The following CAP2 variants were observed in gnomAD, a reference collection of about 807,000 sequenced individuals.
The protein encoded by CAP2 is adenylyl cyclase-associated protein 2.
CAP2 carries 24 observed loss-of-function variants against 57.7 expected under a neutral mutation model. The ratio of observed to expected loss-of-function variants is 0.42; its 90% CI spans 0.30 to 0.58. The LOEUF (loss-of-function observed/expected upper bound fraction) is 0.58. Among genes scored for constraint, CAP2 ranks in the 20% least tolerant of loss-of-function variants. CAP2 has a pLI of 0.22. For missense variants in CAP2, 501 were observed against 590.3 expected (o/e 0.85, Z 1.57); for synonymous variants, 194 against 207.2 (o/e 0.94, Z 0.55).
intron 1 of CAP2, among the ~76,000 whole-genome samples, chr6:17,417,536 A>G (rs1759316191): frequency 6.6e-6 from 1 of 152,080 alleles, no homozygotes; most frequent in Non-Finnish European, 1.5e-5. Flanking sequence ...CTGCCTCCCA[A>G]AGTGCTAGGA....
At chr6:17,524,913 G>A (rs1050164635) in intron 7 of CAP2, among the ~76,000 whole-genome samples, 3 of 96,730 alleles carry the variant, frequency 3.1e-5, no homozygotes, top group Non-Finnish European at 6.1e-5. Context: ...TTTTTTTTGA[G>A]TTGGAGTTTC....
chr6:17,405,295 T>C (rs2113507737), intron 1 of CAP2, among the ~76,000 whole-genome samples: 1 of 152,204 alleles, frequency 6.6e-6, no homozygotes, highest in Admixed American at 6.5e-5. Flanking sequence ...GGCAGGAGAA[T>C]CGTGTGAACC....
At chr6:17,533,903 C>T (rs1275579740) in intron 7 of CAP2, among the ~76,000 whole-genome samples, 1 of 152,134 alleles carries the variant, frequency 6.6e-6, no homozygotes, top group South Asian at 2.1e-4. Context: ...TACAATGACT[C>T]CAATAGAACG....
chr6:17,462,102 G>C (rs907071339), intron 3 of CAP2, among the ~76,000 whole-genome samples: 1 of 151,586 alleles, frequency 6.6e-6, no homozygotes, highest in Non-Finnish European at 1.5e-5. Context: ...CAAGGGTGAA[G>C]GTAAGAGAAT....
intron 3 of CAP2, among the ~76,000 whole-genome samples, chr6:17,461,387 T>C (rs1760716838): frequency 6.6e-6 from 1 of 151,920 alleles, no homozygotes; most frequent in African/African-American, 2.4e-5. Flanking sequence ...CCACCATGCA[T>C]GGGTAATTTT....
intron 4 of CAP2, among the ~76,000 whole-genome samples, chr6:17,482,366 G>A (rs754909143): frequency 7.9e-5 from 12 of 152,000 alleles, no homozygotes; most frequent in African/African-American, 2.2e-4. Context: ...AAAATTAGCC[G>A]GGCATGGTGG....
intron 7 of CAP2, 26 bp from the exon 8 acceptor site, chr6:17,539,243 C>A: frequency 1.3e-6 from 2 of 1,588,664 alleles, no homozygotes; most frequent in Non-Finnish European, 1.7e-6. Flanking sequence ...CAATGCAATG[C>A]AATGCCCTGT....
chr6:17,531,089 G>T (rs1245636055), intron 7 of CAP2: 1 of 763,884 alleles, frequency 1.3e-6, no homozygotes, highest in Non-Finnish European at 2.4e-6. Context: ...CCCTGCAGAT[G>T]ATGCCATATT....
intron 12 of CAP2, among the ~76,000 whole-genome samples, chr6:17,554,017 TCTTTA>T (rs1581619401): frequency 6.6e-6 from 1 of 152,212 alleles, no homozygotes; most frequent in Admixed American, 6.5e-5. Context: ...GATTGTGGGT[TCTTTA>T]CTTCAAGATT....
chr6:17,459,425 A>G (rs1489020347), intron 3 of CAP2, among the ~76,000 whole-genome samples: 1 of 152,226 alleles, frequency 6.6e-6, no homozygotes, highest in Non-Finnish European at 1.5e-5. Flanking sequence ...CCCACATTTT[A>G]TCAGAAAAAT....
chr6:17,554,193 A>AC (rs1280334012), intron 12 of CAP2, among the ~76,000 whole-genome samples: 2 of 151,854 alleles, frequency 1.3e-5, no homozygotes, highest in Non-Finnish European at 2.9e-5. Context: ...TGCAACCTCG[A>AC]CCCCCCGGGC....
intron 7 of CAP2, chr6:17,536,132 T>A: frequency 2.2e-6 from 1 of 451,698 alleles, no homozygotes; most frequent in South Asian, 1.6e-5. Context: ...CTTCTCTCTG[T>A]TTTTTCTTGG....
chr6:17,494,411 C>T (rs1159901367), intron 4 of CAP2, among the ~76,000 whole-genome samples: 2 of 152,114 alleles, frequency 1.3e-5, no homozygotes, highest in African/African-American at 4.8e-5. Context: ...ACATTCCTAC[C>T]TCATGATCTT....
At chr6:17,481,426 G>A (rs1251025419) in intron 4 of CAP2, among the ~76,000 whole-genome samples, 1 of 112,544 alleles carries the variant, frequency 8.9e-6, no homozygotes, top group Non-Finnish European at 1.7e-5. Context: ...AAGTAAACTT[G>A]GATTCTTTTC....
chr6:17,402,561 A>G (rs1237782928), intron 1 of CAP2, among the ~76,000 whole-genome samples: 2 of 152,268 alleles, frequency 1.3e-5, no homozygotes, highest in Non-Finnish European at 2.9e-5. Flanking sequence ...TGACTCTCAT[A>G]CAAATAAAAA....
chr6:17,544,562 C>CA (rs1373211689), intron 11 of CAP2, among the ~76,000 whole-genome samples: 3 of 148,186 alleles, frequency 2.0e-5, no homozygotes, highest in Non-Finnish European at 3.0e-5. Flanking sequence ...TTTTTTGAGA[C>CA]AGAGTCTCGC....
intron 4 of CAP2, among the ~76,000 whole-genome samples, chr6:17,463,991 G>T (rs1229780897): frequency 6.6e-6 from 1 of 152,162 alleles, no homozygotes; most frequent in African/African-American, 2.4e-5. Context: ...GATGTTAAGA[G>T]CAAATTAATG....
intron 7 of CAP2, among the ~76,000 whole-genome samples, chr6:17,526,831 C>A (rs1018805947): frequency 1.4e-4 from 21 of 151,752 alleles, no homozygotes; most frequent in Non-Finnish European, 4.4e-5. Flanking sequence ...GTGGCGCATG[C>A]CTATAGTCCC....
intron 4 of CAP2, among the ~76,000 whole-genome samples, chr6:17,473,466 C>T (rs1316104002): frequency 2.0e-5 from 3 of 152,188 alleles, no homozygotes; most frequent in African/African-American, 7.2e-5. Flanking sequence ...AAGTTTTTCT[C>T]TCATGACCTG....
Sources: gnomAD v4.1 joint callset for allele counts (sites outside exome capture counted in the v4.1 genomes callset) on GRCh38, gnomAD v4.1.1 for gene constraint, MANE v1.5 for transcripts, NCBI Gene and HGNC (gene_info 2026-07-23, HGNC 2026-07-21) for gene names.